The following SORCS1 variants were observed in gnomAD, a reference collection of about 807,000 sequenced individuals.
SORCS1 encodes sortilin related VPS10 domain containing receptor 1, also known as VPS10 domain-containing receptor SorCS1.
A neutral mutation model predicts 146.1 loss-of-function variants in SORCS1; 60 were observed. The observed-to-expected ratio is 0.41, with a 90% CI of 0.33 to 0.51. The LOEUF (loss-of-function observed/expected upper bound fraction) is 0.51. Among genes scored for constraint, SORCS1 ranks in the 20% least tolerant of loss-of-function variants. SORCS1 has a pLI of 0.21. For synonymous variants in SORCS1, 637 were observed against 584.0 expected (o/e 1.09, Z -1.31); for missense variants, 1,352 against 1,487.6 (o/e 0.91, Z 1.50).
chr10:106,817,379 A>G (rs1214269917), intron 3 of SORCS1, among the ~76,000 whole-genome samples: 2 of 152,204 alleles, frequency 1.3e-5, no homozygotes, highest in African/African-American at 4.8e-5. Flanking sequence ...AGAAAGTAGT[A>G]GAGAAAAAGA....
chr10:106,800,338 C>A (rs1946802088), intron 3 of SORCS1, among the ~76,000 whole-genome samples: 1 of 151,946 alleles, frequency 6.6e-6, no homozygotes, highest in African/African-American at 2.4e-5. Context: ...TTACATAAAA[C>A]CTCCATATGA....
chr10:106,686,997 G>A (rs1433449107), intron 10 of SORCS1, among the ~76,000 whole-genome samples: 4 of 152,188 alleles, frequency 2.6e-5, no homozygotes, highest in Non-Finnish European at 5.9e-5. Flanking sequence ...TTACTCAAAT[G>A]AAGTGGTCCT....
the SORCS1 span, among the ~76,000 whole-genome samples, chr10:107,170,008 C>T: frequency 6.6e-6 from 1 of 152,058 alleles, no homozygotes; most frequent in African/African-American, 2.4e-5. Flanking sequence ...TTTTAATATT[C>T]ATACTTAAAG....
At chr10:106,589,696 CGAAA>C (rs1406191319) in intron 24 of SORCS1, among the ~76,000 whole-genome samples, 1 of 110,360 alleles carries the variant, frequency 9.1e-6, no homozygotes, top group African/African-American at 3.8e-5. Context: ...TCTTTGACGA[CGAAA>C]AAAAAAAAAA....
chr10:106,669,242 AAACAACAACAAC>A (rs35656422), intron 16 of SORCS1, among the ~76,000 whole-genome samples: 32 of 151,494 alleles, frequency 2.1e-4, no homozygotes, highest in Middle Eastern at 6.8e-3. Context: ...TGAAAAAGAA[AAACAACAACAAC>A]AACAACAACA....
chr10:106,662,900 T>C (rs1051449649), intron 17 of SORCS1, among the ~76,000 whole-genome samples: 2 of 152,174 alleles, frequency 1.3e-5, no homozygotes, highest in African/African-American at 4.8e-5. Flanking sequence ...AGGCAGCCCA[T>C]GAGCAGGAAG....
chr10:106,822,067 C>T (rs1336619), intron 3 of SORCS1, among the ~76,000 whole-genome samples: 11,101 of 152,040 alleles, frequency 0.073, 1,016 homozygotes, highest in African/African-American at 0.21. Context: ...ATGCATTGAT[C>T]AGAATTTACT....
At chr10:106,966,717 G>C (rs1191539245) in intron 1 of SORCS1, among the ~76,000 whole-genome samples, 1 of 152,138 alleles carries the variant, frequency 6.6e-6, no homozygotes, top group Non-Finnish European at 1.5e-5. Context: ...TCCTGACTCT[G>C]TTTCTCCACA....
At chr10:106,707,189 ATTTTT>A (rs3044946) in intron 7 of SORCS1, among the ~76,000 whole-genome samples, 1 of 145,080 alleles carries the variant, frequency 6.9e-6, no homozygotes, top group Non-Finnish European at 1.5e-5. Flanking sequence ...ATTTAATTTA[ATTTTT>A]TTTTTTTTTT....
chr10:106,593,316 C>G (rs754557666), intron 24 of SORCS1, among the ~76,000 whole-genome samples: 4 of 151,862 alleles, frequency 2.6e-5, no homozygotes, highest in African/African-American at 9.7e-5. Context: ...CTAAAGGTAA[C>G]GTAGGAGCAA....
chr10:106,756,271 A>G (rs913264187), intron 5 of SORCS1, among the ~76,000 whole-genome samples: 1 of 152,242 alleles, frequency 6.6e-6, no homozygotes, highest in Non-Finnish European at 1.5e-5. Context: ...AATAATATTA[A>G]CACTGGTAGC....
chr10:107,084,456 A>G (rs1963610274), intron 1 of SORCS1, among the ~76,000 whole-genome samples: 2 of 152,086 alleles, frequency 1.3e-5, no homozygotes, highest in Admixed American at 1.3e-4. Context: ...CTCAGAAGAC[A>G]AATCTCTGTT....
intron 18 of SORCS1, among the ~76,000 whole-genome samples, chr10:106,637,894 T>C (rs900209542): frequency 3.3e-5 from 5 of 152,224 alleles, no homozygotes; most frequent in Non-Finnish European, 5.9e-5. Context: ...GATAGTACCA[T>C]GTATTTGACT....
intron 1 of SORCS1, among the ~76,000 whole-genome samples, chr10:107,080,012 G>C (rs1453829437): frequency 6.6e-6 from 1 of 152,124 alleles, no homozygotes; most frequent in Non-Finnish European, 1.5e-5. Flanking sequence ...ATAATTCTCA[G>C]CAGTCTGAAA....
At chr10:106,811,048 C>G (rs928157407) in intron 3 of SORCS1, among the ~76,000 whole-genome samples, 1 of 151,412 alleles carries the variant, frequency 6.6e-6, no homozygotes, top group African/African-American at 2.4e-5. Context: ...TCAAGCAATT[C>G]TCTGCCTCAG....
intron 1 of SORCS1, among the ~76,000 whole-genome samples, chr10:106,982,154 T>C (rs1375362425): frequency 6.6e-6 from 1 of 152,264 alleles, no homozygotes; most frequent in East Asian, 1.9e-4. Context: ...GTAGAAAAGG[T>C]TGAATTAGAT....
At chr10:107,161,608 C>T (rs1361770779) in intron 1 of SORCS1, among the ~76,000 whole-genome samples, 1 of 152,084 alleles carries the variant, frequency 6.6e-6, no homozygotes, top group Non-Finnish European at 1.5e-5. Context: ...ATTCAGCGGA[C>T]ACTCAACTTG....
chr10:107,016,917 A>T (rs1957921858), intron 1 of SORCS1, among the ~76,000 whole-genome samples: 1 of 152,242 alleles, frequency 6.6e-6, no homozygotes, highest in South Asian at 2.1e-4. Flanking sequence ...GAAATGTTTA[A>T]TTTCATTATT....
At chr10:107,152,964 T>G (rs1167768037) in intron 1 of SORCS1, among the ~76,000 whole-genome samples, 1 of 152,172 alleles carries the variant, frequency 6.6e-6, no homozygotes, top group African/African-American at 2.4e-5. Flanking sequence ...GTCTCTCATC[T>G]TTCCTTTTTC....
Sources: allele counts gnomAD v4.1 joint callset (sites outside exome capture counted in the v4.1 genomes callset), GRCh38; gene constraint gnomAD v4.1.1; transcripts MANE v1.5; gene names NCBI Gene and HGNC (gene_info 2026-07-23, HGNC 2026-07-21).